The following PRKG1 variants were observed in gnomAD, a reference collection of about 807,000 sequenced individuals.
PRKG1 encodes the protein protein kinase cGMP-dependent 1.
A neutral mutation model predicts 88.1 loss-of-function variants in PRKG1; 35 were observed. The observed-to-expected ratio is 0.40, with a 90% CI of 0.30 to 0.53. The LOEUF (loss-of-function observed/expected upper bound fraction) is 0.53, where lower values mean the gene tolerates loss of function less well. PRKG1 is among the 20% of genes least tolerant of loss of function. PRKG1 has a pLI of 0.59. For missense variants in PRKG1, 540 were observed against 839.8 expected (o/e 0.64, Z 4.41); for synonymous variants, 303 against 292.5 (o/e 1.04, Z -0.37).
At chr10:51,951,312 A>G (rs1843178491) in intron 5 of PRKG1, among the ~76,000 whole-genome samples, 1 of 152,216 alleles carries the variant, frequency 6.6e-6, no homozygotes, top group Admixed American at 6.5e-5. Flanking sequence ...GAATGTGATT[A>G]TATATTGATT....
At chr10:52,157,792 T>C (rs1398079074) in intron 8 of PRKG1, among the ~76,000 whole-genome samples, 1 of 151,528 alleles carries the variant, frequency 6.6e-6, no homozygotes, top group Admixed American at 6.6e-5. Flanking sequence ...CCCTTCCTTG[T>C]TCTTCCTTCT....
intron 1 of PRKG1, among the ~76,000 whole-genome samples, chr10:51,086,858 G>T (rs188018525): frequency 5.9e-4 from 90 of 152,294 alleles, no homozygotes; most frequent in African/African-American, 2.1e-3. Flanking sequence ...GTCATCTATC[G>T]TAATAGAGCA....
intron 3 of PRKG1, among the ~76,000 whole-genome samples, chr10:51,645,333 C>A (rs978806763): frequency 6.6e-6 from 1 of 152,156 alleles, no homozygotes; most frequent in East Asian, 1.9e-4. Context: ...GACAGCATTT[C>A]AAGCCATATT....
chr10:51,231,628 A>G (rs192864412), intron 2 of PRKG1, among the ~76,000 whole-genome samples: 78 of 152,136 alleles, frequency 5.1e-4, no homozygotes, highest in African/African-American at 1.8e-3. Context: ...GGCCACGCAT[A>G]TGCACACTGA....
intron 1 of PRKG1, among the ~76,000 whole-genome samples, chr10:51,031,342 A>T (rs1183247293): frequency 6.6e-6 from 1 of 152,158 alleles, no homozygotes; most frequent in Non-Finnish European, 1.5e-5. Flanking sequence ...TCTCAACTAA[A>T]TTTAAATTTT....
chr10:51,985,956 C>G (rs72801466), intron 5 of PRKG1, among the ~76,000 whole-genome samples: 2,516 of 152,260 alleles, frequency 0.017, 33 homozygotes, highest in Middle Eastern at 0.034. Context: ...CTTAAACATG[C>G]TCAGAACGCT....
At chr10:51,564,014 T>C (rs937186315) in intron 3 of PRKG1, among the ~76,000 whole-genome samples, 24 of 152,108 alleles carry the variant, frequency 1.6e-4, no homozygotes, top group African/African-American at 5.5e-4. Flanking sequence ...TTAAGACCAA[T>C]CAGTAAGCTT....
chr10:51,319,923 A>G (rs1841411947), intron 2 of PRKG1: 1 of 192,138 alleles, frequency 5.2e-6, no homozygotes, highest in Admixed American at 5.3e-5. Context: ...AACATGCTGT[A>G]TGTCAATGGC....
upstream of PRKG1, among the ~76,000 whole-genome samples, chr10:51,073,321 G>A (rs1843863035): frequency 6.6e-6 from 1 of 152,144 alleles, no homozygotes. Flanking sequence ...GCTCCTTCAC[G>A]ATTTTCCCTC....
intron 9 of PRKG1, among the ~76,000 whole-genome samples, chr10:52,187,705 C>T (rs1218518980): frequency 1.3e-5 from 2 of 152,162 alleles, no homozygotes; most frequent in African/African-American, 4.8e-5. Context: ...TATTGTCATT[C>T]TGCTGCTCGT....
chr10:52,137,439 G>T (rs1202855359), intron 8 of PRKG1, among the ~76,000 whole-genome samples: 2 of 151,804 alleles, frequency 1.3e-5, no homozygotes, highest in Non-Finnish European at 2.9e-5. Context: ...AAGTACCTTT[G>T]GTACCTCTTA....
chr10:51,242,001 T>C (rs934624377), intron 2 of PRKG1, among the ~76,000 whole-genome samples: 2 of 150,066 alleles, frequency 1.3e-5, no homozygotes, highest in African/African-American at 4.9e-5. Flanking sequence ...AGATGAATAA[T>C]GTAACAGTCT....
chr10:51,365,594 A>C (rs1374012211), intron 2 of PRKG1, among the ~76,000 whole-genome samples: 1 of 151,932 alleles, frequency 6.6e-6, no homozygotes, highest in Non-Finnish European at 1.5e-5. Context: ...TATTTCTAAC[A>C]ACATGTGGTG....
rs148015730 is a variant in PRKG1 at position 51,068,896 on chromosome 10, A to G, written c.266+77252A>G. On this transcript the variant is annotated intron_variant, in intron 1 of 17. Transcript: ENST00000401604. The stretch of plus-strand genomic sequence containing the variant: ...TGGTGTCTTGTGAATAAAGCATTTT[A>G]AATTCTATTTTATGCATTTAAAAAT... Among the ~76,000 whole-genome samples, 11 of 152,164 alleles carry G rather than the reference A, an allele frequency of 7.2e-5. No homozygotes were observed. The East Asian group carries it at 2.1e-3, about 29-fold the overall frequency.
intron 4 of PRKG1, among the ~76,000 whole-genome samples, chr10:51,905,359 A>G (rs973320549): frequency 6.6e-6 from 1 of 152,194 alleles, no homozygotes; most frequent in African/African-American, 2.4e-5. Context: ...AATCAAAGTG[A>G]CAAATTAACA....
At chr10:51,467,861 A>C (rs1204498759) in intron 3 of PRKG1, 25 bp downstream of exon 3, 1 of 1,550,382 alleles carries the variant, frequency 6.5e-7, no homozygotes, top group Non-Finnish European at 8.9e-7. Context: ...ATATTTTTAA[A>C]ATATTTTCAA....
At chr10:51,171,507 G>A (rs534884762) in intron 2 of PRKG1, among the ~76,000 whole-genome samples, 44 of 152,170 alleles carry the variant, frequency 2.9e-4, no homozygotes, top group Middle Eastern at 3.4e-3. Flanking sequence ...CATGGTTGAA[G>A]CTGGCTCATT....
At chr10:52,133,765 C>A in intron 7 of PRKG1, 75 bp from the exon 8 acceptor site, 2 of 1,260,102 alleles carry the variant, frequency 1.6e-6, no homozygotes, top group Non-Finnish European at 2.3e-6. Context: ...AAATTTTTTC[C>A]TGAATTAATC....
intron 3 of PRKG1, among the ~76,000 whole-genome samples, chr10:51,555,173 C>T (rs969573405): frequency 2.0e-5 from 3 of 151,772 alleles, no homozygotes; most frequent in Non-Finnish European, 4.4e-5. Context: ...TTATGGCTCT[C>T]CAGTTCCAAG....
Sources: allele counts gnomAD v4.1 joint callset (sites outside exome capture counted in the v4.1 genomes callset), GRCh38; gene constraint gnomAD v4.1.1; transcripts MANE v1.5; gene names NCBI Gene and HGNC (gene_info 2026-07-23, HGNC 2026-07-21).